The following PRRC2C variants were observed in gnomAD, a reference collection of about 807,000 sequenced individuals.
The protein encoded by PRRC2C is proline rich coiled-coil 2C.
A neutral mutation model predicts 317.2 loss-of-function variants in PRRC2C; 72 were observed. That is an observed-to-expected ratio of 0.23 (90% confidence interval 0.19 to 0.28). PRRC2C has a LOEUF of 0.28. PRRC2C is among the 10% of genes least tolerant of loss of function. The pLI is 1.00. For missense variants in PRRC2C, 3,074 were observed against 3,459.7 expected (o/e 0.89, Z 2.80); for synonymous variants, 1,296 against 1,205.9 (o/e 1.07, Z -1.55).
chr1:171,493,251 A>T (rs1186289633), intron 1 of PRRC2C, among the ~76,000 whole-genome samples: 3 of 152,176 alleles, frequency 2.0e-5, no homozygotes, highest in African/African-American at 7.2e-5. Context: ...CAAAAGATTA[A>T]CCATAATTCA....
chr1:171,497,021 GC>G (rs1668243171), intron 1 of PRRC2C, among the ~76,000 whole-genome samples: 1 of 151,830 alleles, frequency 6.6e-6, no homozygotes. Flanking sequence ...AAACTCCATT[GC>G]TCAAGCTATC....
rs59158077 is a variant in PRRC2C at position 171,591,389 on chromosome 1, T to TA, written c.8437-195dup. ...GGTCCTGTGGTTTTTTTTTTTTTTT[T>TA]AAATCACATGAAATATTTCAAAAAT... On this transcript the variant is annotated intron_variant, in intron 34 of 34. Coordinates refer to ENST00000647382, the MANE Select transcript of PRRC2C (RefSeq NM_001387844.1). 1.7e-3 allele frequency: 1,009 copies of TA among 594,912 alleles called. 2 individuals are homozygous for TA. Among genetic ancestry groups the TA allele is most frequent in the Non-Finnish European group, 2.0e-3 (807 of 406,318 alleles). The allele number at this position is 594,912 out of a possible 1,614,324, so 36.9% of individuals were successfully genotyped here.
rs138270054 is a variant in PRRC2C, at chr1:171,588,898, A to G, written c.8199+393A>G. 2.2e-3 allele frequency among the ~76,000 whole-genome samples: 339 copies of G among 152,332 alleles called. 1 individual carries two copies. The highest frequency in any genetic ancestry group is 7.9e-3 in the African/African-American group (328 of 41,564). ...ATAAAATTTCCAAAAAGATGTTTTA[A>G]TATATGTAAAAAATGTTGGCTTCTC... On this transcript the variant is annotated intron_variant, in intron 33 of 34. Coordinates refer to ENST00000647382, the MANE Select transcript of PRRC2C (RefSeq NM_001387844.1).
intron 6 of PRRC2C, among the ~76,000 whole-genome samples, chr1:171,520,655 G>A (rs1338628769): frequency 6.6e-6 from 1 of 152,132 alleles, no homozygotes; most frequent in Non-Finnish European, 1.5e-5. Context: ...GCCTCCAGTA[G>A]TGTCTTTATT....
chr1:171,556,923 T>G (rs1477726924), intron 18 of PRRC2C, among the ~76,000 whole-genome samples: 1 of 152,250 alleles, frequency 6.6e-6, no homozygotes, highest in East Asian at 1.9e-4. Context: ...ATATATGAGT[T>G]AAGACTGTGA....
chr1:171,526,805 CTTTTTT>C (rs938229816), intron 10 of PRRC2C, among the ~76,000 whole-genome samples: 21 of 90,206 alleles, frequency 2.3e-4, no homozygotes, highest in Non-Finnish European at 3.3e-4. Flanking sequence ...AGAAATATAT[CTTTTTT>C]TTTTTTTTTT....
chr1:171,554,369 G>T (rs1279683386), intron 18 of PRRC2C, among the ~76,000 whole-genome samples: 2 of 152,072 alleles, frequency 1.3e-5, no homozygotes, highest in Non-Finnish European at 2.9e-5. Context: ...GTCTCTGTAC[G>T]TGAGATGGGT....
chr1:171,524,049 A>T (rs1469672303), intron 9 of PRRC2C, among the ~76,000 whole-genome samples: 3 of 150,022 alleles, frequency 2.0e-5, no homozygotes, highest in East Asian at 2.0e-4. Flanking sequence ...AAAAAAAAAG[A>T]TATTTAGATG....
chr1:171,535,695 C>T, intron 13 of PRRC2C, 98 bp downstream of exon 13: 1 of 1,326,254 alleles, frequency 7.5e-7, no homozygotes, highest in Non-Finnish European at 1.0e-6. Flanking sequence ...ACGTAAAGCA[C>T]ACAAAGTTCC....
At chr1:171,527,220 C>G (rs1222669884) in intron 10 of PRRC2C, among the ~76,000 whole-genome samples, 2 of 151,872 alleles carry the variant, frequency 1.3e-5, no homozygotes, top group Non-Finnish European at 2.9e-5. Context: ...GCAACCTCCG[C>G]CTCCCAGGTT....
chr1:171,542,433 G>A (rs1231310118), intron 16 of PRRC2C, among the ~76,000 whole-genome samples: 6 of 152,196 alleles, frequency 3.9e-5, no homozygotes, highest in Admixed American at 2.0e-4. Context: ...TGCCTGCTAC[G>A]TTACATTTTC....
Position 171,532,571 on chromosome 1 carries a change from G to C in PRRC2C, c.1483G>C (p.Gly495Arg). The C allele has an allele frequency of 1.3e-6, 2 of 1,570,330 alleles. No individual in the cohort carries two copies. The highest frequency in any genetic ancestry group is 1.7e-6 in the Non-Finnish European group (2 of 1,157,654). The change falls in exon 12 of 35, where the codon GGC (glycine) becomes CGC (arginine). Residue 495 changes from glycine to arginine, a missense_variant. Gly to Arg is a moderately radical substitution (Grantham distance 125, BLOSUM62 -2). Transcript: ENST00000647382. ...ACTGAAACGATTGGATGAGAAGCTT[G>C]GCATCCTGGAAAAACAACCATCTCC... is the stretch of plus-strand genomic sequence containing the variant. ...EKLKRLDEKL[G>R]ILEKQPSPEE...
At chr1:171,534,738 A>T (rs180757499) in intron 12 of PRRC2C, among the ~76,000 whole-genome samples, 1 of 152,242 alleles carries the variant, frequency 6.6e-6, no homozygotes, top group East Asian at 1.9e-4. Flanking sequence ...CTCTTTTACA[A>T]CATTCTTAAT....
chr1:171,492,492 G>T (rs1667331110), intron 1 of PRRC2C, among the ~76,000 whole-genome samples: 1 of 152,150 alleles, frequency 6.6e-6, no homozygotes, highest in South Asian at 2.1e-4. Context: ...AGGAGTTGTG[G>T]AGGGTAGCGC....
In PRRC2C at chr1:171,587,153, G is replaced by A. The variant is rs748035612; in HGVS notation, c.7900G>A (p.Val2634Ile). Residue 2634 changes from valine (V) to isoleucine (I), a missense_variant, in exon 31 of 35, where the codon GTA becomes ATA. By Grantham distance (29) the Val-to-Ile change is conservative (BLOSUM62 3). Coordinates refer to ENST00000647382, the MANE Select transcript of PRRC2C (RefSeq NM_001387844.1). ...QAQSLSRPAQ[V>I]SQPFRGLIPA... ...TCAGAGTCTGAGTCGTCCTGCACAA[G>A]TAAGCCAGCCTTTCAGAGGATTAAT... 2 of 1,611,174 alleles carry A rather than the reference G, an allele frequency of 1.2e-6. No individual in the cohort carries two copies. Among genetic ancestry groups the A allele is most frequent in the Non-Finnish European group, 1.7e-6 (2 of 1,178,758 alleles).
At chr1:171,544,871 C>T (rs901686095) in intron 16 of PRRC2C, among the ~76,000 whole-genome samples, 2 of 152,112 alleles carry the variant, frequency 1.3e-5, no homozygotes, top group Non-Finnish European at 2.9e-5. Context: ...TTAGTAAACC[C>T]ATTTCCCATG....
intron 11 of PRRC2C, among the ~76,000 whole-genome samples, chr1:171,529,720 A>G (rs972386672): frequency 6.6e-6 from 1 of 152,138 alleles, no homozygotes; most frequent in Non-Finnish European, 1.5e-5. Context: ...TCTTTTTAAA[A>G]CTATGGATTA....
In PRRC2C at chr1:171,541,576, A is replaced by G. The variant is rs753303217; in HGVS notation, c.4110A>G (p.Pro1370=). 71 of 1,613,744 alleles carry G rather than the reference A, an allele frequency of 4.4e-5. No homozygotes were observed. The highest frequency in any genetic ancestry group is 1.6e-4 in the Middle Eastern group (1 of 6,084). Residue 1370 remains proline (P), a synonymous_variant, in exon 16 of 35, where the codon CCA becomes CCG. Coordinates refer to ENST00000647382, the MANE Select transcript of PRRC2C (RefSeq NM_001387844.1). This position sits in a 1 kb window ranked among gnomAD's most constrained non-coding sequence, Gnocchi z 4.1. The part of the protein sequence containing the change: ...RPSRPSTLRR[P]AYRDNQWNPR... ...CACGCCCTTCCACTTTACGAAGACC[A>G]GCTTATCGGGACAATCAGTGGAACC...
At chr1:171,575,373 G>A (rs1038761434) in intron 25 of PRRC2C, among the ~76,000 whole-genome samples, 25 of 152,152 alleles carry the variant, frequency 1.6e-4, no homozygotes, top group African/African-American at 6.0e-4. Flanking sequence ...TTTTATGTAT[G>A]TACAACTAAC....
Sources: allele counts gnomAD v4.1 joint callset (sites outside exome capture counted in the v4.1 genomes callset), GRCh38; gene constraint gnomAD v4.1.1; non-coding constraint Gnocchi (gnomAD v3.1); transcripts MANE v1.5; gene names NCBI Gene and HGNC (gene_info 2026-07-23, HGNC 2026-07-21).